The following PLSCR2 variants were observed in gnomAD, a reference collection of about 807,000 sequenced individuals.
PLSCR2 encodes the protein phospholipid scramblase 2.
PLSCR2 carries 18 observed loss-of-function variants against 25.3 expected under a neutral mutation model. The ratio of observed to expected loss-of-function variants is 0.71; its 90% CI spans 0.49 to 1.06. The LOEUF (loss-of-function observed/expected upper bound fraction) is 1.06. Ranked by LOEUF, PLSCR2 falls within the 50% of genes least tolerant of loss-of-function variation. The pLI, the probability that PLSCR2 is intolerant of heterozygous loss-of-function variation, is 0.00. For synonymous variants in PLSCR2, 88 were observed against 87.3 expected (o/e 1.01, Z -0.04); for missense variants, 243 against 269.5 (o/e 0.90, Z 0.69).
intron 1 of PLSCR2, among the ~76,000 whole-genome samples, chr3:146,483,786 A>G (rs1435042816): frequency 6.6e-6 from 1 of 151,882 alleles, no homozygotes; most frequent in East Asian, 1.9e-4. Context: ...TCTAAAGGTC[A>G]GCAGCCTCAA....
At chr3:146,418,481 T>C (rs1054889151) in intron 2 of PLSCR2, among the ~76,000 whole-genome samples, 1 of 152,182 alleles carries the variant, frequency 6.6e-6, no homozygotes, top group Non-Finnish European at 1.5e-5. Flanking sequence ...CATAACACAA[T>C]GTAGGACAGG....
chr3:146,401,357 T>C (rs1440307554), intron 2 of PLSCR2: 1 of 152,574 alleles, frequency 6.6e-6, no homozygotes, highest in African/African-American at 2.4e-5. Flanking sequence ...AATATTTACT[T>C]ACCTTTTGTA....
chr3:146,471,460 A>T (rs2042116800), intron 1 of PLSCR2, among the ~76,000 whole-genome samples: 1 of 152,080 alleles, frequency 6.6e-6, no homozygotes, highest in Non-Finnish European at 1.5e-5. Flanking sequence ...ATTTGTCTGA[A>T]ATATAATGCT....
chr3:146,432,204 A>G (rs1023744227), downstream of PLSCR2, among the ~76,000 whole-genome samples: 3 of 152,160 alleles, frequency 2.0e-5, no homozygotes, highest in African/African-American at 7.2e-5. Flanking sequence ...GGAAGTAATA[A>G]TATCCTTAAT....
At chr3:146,495,780 C>A in intron 1 of PLSCR2, 1 of 687,110 alleles carries the variant, frequency 1.5e-6, no homozygotes, top group South Asian at 2.0e-5. Context: ...TTTAAGGTCC[C>A]CATTAGGTAG....
At chr3:146,449,304 T>G (rs1229837748) in exon 6 of PLSCR2, 2 of 1,612,024 alleles carry the variant, frequency 1.2e-6, no homozygotes, top group Non-Finnish European at 1.7e-6. Context: ...AATGCCTCTC[T>G]TAAAAACCCA....
chr3:146,414,508 C>T (rs1288569335), intron 2 of PLSCR2, among the ~76,000 whole-genome samples: 1 of 151,856 alleles, frequency 6.6e-6, no homozygotes, highest in African/African-American at 2.4e-5. Flanking sequence ...TATAATATGC[C>T]AAAACGGAAG....
intron 1 of PLSCR2, among the ~76,000 whole-genome samples, chr3:146,472,026 T>G (rs2042136235): frequency 6.6e-6 from 1 of 152,252 alleles, no homozygotes; most frequent in South Asian, 2.1e-4. Flanking sequence ...CCCAGGACAT[T>G]TTTATGATTT....
At chr3:146,437,454 G>A (rs1008845015), downstream of PLSCR2, among the ~76,000 whole-genome samples, 11 of 152,130 alleles carry the variant, frequency 7.2e-5, no homozygotes, top group Non-Finnish European at 1.2e-4. Context: ...TTCAGAACCT[G>A]TTATTGGTCT....
At chr3:146,441,624 A>G (rs1231089318), downstream of PLSCR2, 7 of 494,934 alleles carry the variant, frequency 1.4e-5, no homozygotes, top group African/African-American at 4.1e-5. Context: ...GAAATTATAT[A>G]CTCAGAGCTA....
chr3:146,490,974 G>C (rs2043529767), intron 1 of PLSCR2, among the ~76,000 whole-genome samples: 1 of 152,028 alleles, frequency 6.6e-6, no homozygotes, highest in Non-Finnish European at 1.5e-5. Flanking sequence ...TGTTTTTGTG[G>C]AGACAGCTAC....
rs531301418 is a variant in PLSCR2 at position 146,474,153 on chromosome 3, A to G, written c.-292-13869T>C. Among the ~76,000 whole-genome samples, 33 of 152,356 alleles carry G rather than the reference A, an allele frequency of 2.2e-4. No homozygotes were observed. The South Asian group carries it at 6.8e-3, about 32-fold the overall frequency. ...TGTGCATAAGTACATGTACACACAC[A>G]GCCCATATATACACTTATGTGAAGA... On this transcript the variant is annotated intron_variant, in intron 1 of 8. Transcript: ENST00000336685.
chr3:146,483,475 A>ATG (rs1553791504), intron 1 of PLSCR2, among the ~76,000 whole-genome samples: 45 of 39,846 alleles, frequency 1.1e-3, no homozygotes, highest in East Asian at 5.5e-3. Context: ...ATATATATAC[A>ATG]TGTGTATATA....
intron 2 of PLSCR2, among the ~76,000 whole-genome samples, chr3:146,397,158 C>T (rs936945966): frequency 2.6e-4 from 39 of 152,046 alleles, no homozygotes; most frequent in African/African-American, 2.4e-4. Flanking sequence ...AAAGGGATAA[C>T]GACATATTTT....
intron 1 of PLSCR2, chr3:146,469,030 C>T (rs1173089695): frequency 8.5e-6 from 6 of 706,756 alleles, no homozygotes; most frequent in Non-Finnish European, 1.0e-5. Flanking sequence ...CATACCGCCA[C>T]TATCTTTCCT....
chr3:146,454,247 T>TA, intron 4 of PLSCR2, 84 bp from the exon 5 acceptor site: 1 of 980,198 alleles, frequency 1.0e-6, no homozygotes, highest in Non-Finnish European at 1.5e-6. Flanking sequence ...GAGCATTTCC[T>TA]AAGTGCCAGA....
chr3:146,490,212 AG>A (rs35283368), intron 1 of PLSCR2, among the ~76,000 whole-genome samples: 1 of 152,072 alleles, frequency 6.6e-6, no homozygotes, highest in East Asian at 1.9e-4. Flanking sequence ...TGTATTCAAA[AG>A]GGGGAAAAAA....
chr3:146,437,218 G>T (rs1046740812), downstream of PLSCR2, among the ~76,000 whole-genome samples: 12 of 152,054 alleles, frequency 7.9e-5, no homozygotes, highest in Admixed American at 2.6e-4. Context: ...GTTCATCAGG[G>T]ATATTGGTCT....
downstream of PLSCR2, among the ~76,000 whole-genome samples, chr3:146,437,756 T>C (rs952599468): frequency 2.0e-5 from 3 of 152,194 alleles, no homozygotes; most frequent in African/African-American, 7.2e-5. Context: ...TGAAGGGTTT[T>C]TTGTGTCTCT....
Sources: gnomAD v4.1 joint callset for allele counts (sites outside exome capture counted in the v4.1 genomes callset) on GRCh38, gnomAD v4.1.1 for gene constraint, MANE v1.5 for transcripts, NCBI Gene and HGNC (gene_info 2026-07-23, HGNC 2026-07-21) for gene names.